CADPS: variants seen among roughly 807,000 people sequenced by gnomAD.
The protein encoded by CADPS is calcium dependent secretion activator.
Under a neutral mutation model 167.3 loss-of-function variants are expected in CADPS, and 57 were observed. The observed-to-expected ratio is 0.34, with a 90% CI of 0.28 to 0.42. The LOEUF (loss-of-function observed/expected upper bound fraction) is 0.42, where lower values mean the gene tolerates loss of function less well. CADPS is among the 20% of genes least tolerant of loss of function. The pLI is 1.00. For synonymous variants in CADPS, 676 were observed against 635.3 expected (o/e 1.06, Z -0.96); for missense variants, 1,414 against 1,738.1 (o/e 0.81, Z 3.32).
intron 8 of CADPS, among the ~76,000 whole-genome samples, chr3:62,576,389 A>G (rs1295228478): frequency 1.3e-5 from 2 of 152,150 alleles, no homozygotes; most frequent in African/African-American, 4.8e-5. Flanking sequence ...AGTTCTTGTG[A>G]GAACTCATGG....
intron 3 of CADPS, among the ~76,000 whole-genome samples, chr3:62,710,914 T>C (rs2083277031): frequency 6.6e-6 from 1 of 152,232 alleles, no homozygotes; most frequent in South Asian, 2.1e-4. Context: ...TCCTGTCTTA[T>C]GACTTCCTCT....
chr3:62,852,625 A>C (rs935946715), intron 1 of CADPS, among the ~76,000 whole-genome samples: 2 of 151,006 alleles, frequency 1.3e-5, no homozygotes, highest in Admixed American at 6.6e-5. Context: ...AAGCTGGCCC[A>C]GGTGGTCCCC....
rs79470034 is a variant in CADPS, at chr3:62,872,077, T to A, written c.441+2512A>T. ...ATTCCTTTTCATAGATCTCGTTCTC[T>A]CTCTCTCTGACCTCCATATCATCCT... is the stretch of plus-strand genomic sequence containing the variant. On this transcript the variant is annotated intron_variant, in intron 1 of 29. Coordinates refer to ENST00000383710, the MANE Select transcript of CADPS (RefSeq NM_003716.4). Among the ~76,000 whole-genome samples, 86 of 152,020 alleles carry A rather than the reference T, an allele frequency of 5.7e-4. 2 individuals are homozygous for A. In the East Asian group the frequency reaches 0.016, roughly 28 times the overall value.
chr3:62,483,586 C>T (rs1318193532), intron 21 of CADPS, among the ~76,000 whole-genome samples: 1 of 152,070 alleles, frequency 6.6e-6, no homozygotes, highest in Admixed American at 6.5e-5. Context: ...TCCTTTACAC[C>T]TCACATTTTG....
At chr3:62,585,089 C>A in intron 8 of CADPS, 96 bp downstream of exon 8, 1 of 1,162,484 alleles carries the variant, frequency 8.6e-7, no homozygotes, top group South Asian at 1.4e-5. Context: ...TTTCCTTCTA[C>A]ATAGTTCTCT....
At chr3:62,841,774 T>G (rs2153045598) in intron 1 of CADPS, among the ~76,000 whole-genome samples, 1 of 152,338 alleles carries the variant, frequency 6.6e-6, no homozygotes, top group East Asian at 1.9e-4. Flanking sequence ...CTTGTAATAC[T>G]GGTACCTCCC....
At chr3:62,661,045 T>C (rs1196228816) in intron 4 of CADPS, among the ~76,000 whole-genome samples, 1 of 152,188 alleles carries the variant, frequency 6.6e-6, no homozygotes, top group East Asian at 1.9e-4. Context: ...AGTTGGTACA[T>C]GTGAAGCATT....
intron 3 of CADPS, among the ~76,000 whole-genome samples, chr3:62,663,280 G>T (rs1463069907): frequency 1.3e-5 from 2 of 152,116 alleles, no homozygotes; most frequent in East Asian, 3.9e-4. Context: ...AAGGGCTGTA[G>T]GTGAATGAGA....
At chr3:62,783,233 T>C (rs1320038163) in intron 1 of CADPS, among the ~76,000 whole-genome samples, 2 of 151,958 alleles carry the variant, frequency 1.3e-5, no homozygotes, top group African/African-American at 4.8e-5. Context: ...TGTTTCCTAG[T>C]AAACGGCAAA....
Position 62,550,387 on chromosome 3 carries a change from T to C in CADPS, c.1754-272A>G, listed in dbSNP as rs13318626. Among the ~76,000 whole-genome samples the C allele has an allele frequency of 4.5e-3, 692 of 152,174 alleles. 3 individuals are homozygous for C. Among genetic ancestry groups the C allele is most frequent in the African/African-American group, 0.016 (667 of 41,512 alleles). ...CCTGCTTGGGGGATAAACATCTGCC[T>C]ATAAACATACTATTTTCTCCCTCAT... On this transcript the variant is annotated intron_variant, in intron 10 of 29. Coordinates refer to ENST00000383710, the MANE Select transcript of CADPS (RefSeq NM_003716.4).
chr3:62,781,684 G>A (rs904928083), intron 1 of CADPS, among the ~76,000 whole-genome samples: 4 of 152,032 alleles, frequency 2.6e-5, no homozygotes, highest in Non-Finnish European at 5.9e-5. Context: ...ATTGTGTGTG[G>A]GGGCACATGG....
chr3:62,818,099 G>T (rs1198781566), intron 1 of CADPS, among the ~76,000 whole-genome samples: 1 of 152,134 alleles, frequency 6.6e-6, no homozygotes, highest in Admixed American at 6.6e-5. Flanking sequence ...CACCTACTGA[G>T]AATTGTTTTT....
intron 20 of CADPS, among the ~76,000 whole-genome samples, chr3:62,491,683 C>T (rs2063764113): frequency 6.6e-6 from 1 of 151,982 alleles, no homozygotes; most frequent in South Asian, 2.1e-4. Context: ...AAATGGAATT[C>T]AAAAACACTT....
chr3:62,467,739 C>T (rs932286927), intron 24 of CADPS, among the ~76,000 whole-genome samples: 2 of 152,084 alleles, frequency 1.3e-5, no homozygotes, highest in Non-Finnish European at 2.9e-5. Flanking sequence ...ACAAAGCCAA[C>T]CCTGTATAAA....
chr3:62,770,447 A>G (rs1402668050), intron 1 of CADPS, among the ~76,000 whole-genome samples: 1 of 152,126 alleles, frequency 6.6e-6, no homozygotes, highest in Non-Finnish European at 1.5e-5. Context: ...GTTTTTTGAG[A>G]CAGAGTCTTG....
intron 21 of CADPS, 134 bp downstream of exon 21, chr3:62,491,205 A>G (rs2063640064): frequency 1.9e-6 from 2 of 1,039,000 alleles, no homozygotes; most frequent in Admixed American, 4.7e-5. Context: ...TGAGCATCAT[A>G]GTAGAAGAAA....
At chr3:62,828,166 T>C (rs899338618) in intron 1 of CADPS, among the ~76,000 whole-genome samples, 4 of 152,164 alleles carry the variant, frequency 2.6e-5, no homozygotes, top group African/African-American at 9.7e-5. Flanking sequence ...TTGTGCCCTC[T>C]GGGAGTTAAA....
intron 3 of CADPS, among the ~76,000 whole-genome samples, chr3:62,720,223 G>A (rs2075482829): frequency 1.3e-5 from 2 of 151,984 alleles, no homozygotes; most frequent in African/African-American, 4.8e-5. Flanking sequence ...AAAACTTGTT[G>A]AAAAGTTAAC....
intron 28 of CADPS, among the ~76,000 whole-genome samples, chr3:62,422,038 T>C (rs1398800218): frequency 6.6e-6 from 1 of 152,234 alleles, no homozygotes; most frequent in Non-Finnish European, 1.5e-5. Flanking sequence ...TTTGTGCATC[T>C]TGTCGTTAGC....
Sources: gnomAD v4.1 joint callset for allele counts (sites outside exome capture counted in the v4.1 genomes callset) on GRCh38, gnomAD v4.1.1 for gene constraint, MANE v1.5 for transcripts, NCBI Gene and HGNC (gene_info 2026-07-23, HGNC 2026-07-21) for gene names.